EIF3E: variants seen among roughly 807,000 people sequenced by gnomAD.
EIF3E encodes eukaryotic translation initiation factor 3 subunit E.
In EIF3E, 25 loss-of-function variants were observed where a neutral mutation model predicts 59.3. That is an observed-to-expected ratio of 0.42 (90% CI 0.31 to 0.59). The LOEUF is 0.59. EIF3E is among the 20% of genes least tolerant of loss of function. The pLI is 0.15. For missense variants in EIF3E, 317 were observed against 534.3 expected, an observed-to-expected ratio of 0.59 and a Z score of 4.01; for synonymous variants, 176 against 170.2, an observed-to-expected ratio of 1.03 and a Z score of -0.26.
rs143417968 is a variant in EIF3E at position 108,212,534 on chromosome 8, G to A, written c.1061+2073C>T. ...CTTGAAAAAACGCTGGGCGCAAGTGGCTCACGCCTGTAATCCCAGCACTTT... is the reference window on the plus strand; with the variant it reads ...CTTGAAAAAACGCTGGGCGCAAGTGACTCACGCCTGTAATCCCAGCACTTT... On this transcript the variant is annotated intron_variant, in intron 10 of 12. Transcript: ENST00000220849. Among the ~76,000 whole-genome samples the A allele has an allele frequency of 4.1e-3, 629 of 152,308 alleles. 4 individuals carry two copies. Among genetic ancestry groups the A allele is most frequent in the African/African-American group, 0.014 (599 of 41,568 alleles).
chr8:108,228,733 T>C (rs1487643914), intron 6 of EIF3E, among the ~76,000 whole-genome samples: 3 of 152,130 alleles, frequency 2.0e-5, no homozygotes, highest in Non-Finnish European at 4.4e-5. Context: ...AATTAGATAA[T>C]TGTAGATGAA....
chr8:108,247,077 G>C (rs1034197602), intron 1 of EIF3E, among the ~76,000 whole-genome samples: 1 of 152,040 alleles, frequency 6.6e-6, no homozygotes, highest in Admixed American at 6.6e-5. Flanking sequence ...TCTTCCTCTT[G>C]GTGTATTACA....
Position 108,201,267 on chromosome 8 carries a change from C to CTATATATATATATA in EIF3E, c.*617_*618insTATATATATATATA, listed in dbSNP as rs1563624517. ...CTACTGATCATATATATATATATAT[C>CTATATATATATATA]TATCTCTCAACTTGGATGGCTCTCA... On this transcript the variant is annotated 3_prime_UTR_variant, in exon 13 of 13. Transcript: ENST00000220849. The CTATATATATATATA allele has an allele frequency of 7.9e-6, 1 of 126,538 alleles. No homozygotes were observed. The highest frequency in any genetic ancestry group is 3.5e-5 in the African/African-American group (1 of 28,186). 7.8% of individuals were successfully genotyped at this position (126,538 alleles called of 1,614,324 possible).
chr8:108,241,628 A>G (rs1386162234), intron 2 of EIF3E, among the ~76,000 whole-genome samples, 171 bp downstream of exon 2: 1 of 152,218 alleles, frequency 6.6e-6, no homozygotes, highest in Admixed American at 6.5e-5. Context: ...ACAGGGAGAA[A>G]ACAATATATT....
At chr8:108,237,175 A>G (rs2129914875) in intron 3 of EIF3E, among the ~76,000 whole-genome samples, 1 of 152,206 alleles carries the variant, frequency 6.6e-6, no homozygotes, top group Middle Eastern at 3.4e-3. Context: ...CAGACTAGTA[A>G]AAGACAAACT....
chr8:108,201,903 T>C lies in EIF3E; in HGVS notation c.1320A>G (p.Gln440=). Residue 440 remains glutamine, a synonymous_variant, in exon 13 of 13, where the codon CAA becomes CAG. Coordinates refer to ENST00000220849, the MANE Select transcript of EIF3E (RefSeq NM_001568.3). The part of the protein sequence containing the change: ...SRSEAPNWAT[Q]DSGFY Reference sequence around the variant, plus strand: ...TGGTTCTTCAGTAGAAGCCAGAATCTTGAGTTGCCCAGTTAGGAGCCTAAA... The same window carrying C: ...TGGTTCTTCAGTAGAAGCCAGAATCCTGAGTTGCCCAGTTAGGAGCCTAAA... The C allele has an allele frequency of 1.3e-6, 2 of 1,580,278 alleles. No individual in the cohort carries two copies. The highest frequency in any genetic ancestry group is 1.7e-6 in the Non-Finnish European group (2 of 1,163,452).
At chr8:108,217,190 TTC>T (rs1815319960) in intron 8 of EIF3E, 142 bp downstream of exon 8, 2 of 632,900 alleles carry the variant, frequency 3.2e-6, no homozygotes, top group Non-Finnish European at 5.1e-6. Flanking sequence ...TTTGAGGGTC[TTC>T]TCTTTTCTAA....
At chr8:108,233,060 T>A (rs1815653703) in intron 5 of EIF3E, among the ~76,000 whole-genome samples, 1 of 152,194 alleles carries the variant, frequency 6.6e-6, no homozygotes, top group Non-Finnish European at 1.5e-5. Context: ...CTCTCCTAAA[T>A]CCCTCGTAAT....
intron 6 of EIF3E, 118 bp downstream of exon 6, chr8:108,228,952 C>A: frequency 8.6e-7 from 1 of 1,156,380 alleles, no homozygotes; most frequent in African/African-American, 1.6e-5. Flanking sequence ...GTAAGGTCAA[C>A]AAAAGCTAAT....
intron 5 of EIF3E, chr8:108,233,704 G>A (rs1487925298): frequency 2.6e-6 from 1 of 391,714 alleles, no homozygotes; most frequent in African/African-American, 2.1e-5. Context: ...AATTAGCCAT[G>A]AGTGGTGATG....
chr8:108,229,310 A>T (rs1815578156), intron 5 of EIF3E, 115 bp from the exon 6 acceptor site: 14 of 1,042,394 alleles, frequency 1.3e-5, no homozygotes, highest in Non-Finnish European at 1.8e-5. Context: ...GCTTTCTACA[A>T]AAAACTGTAA....
rs757329691 is a variant in EIF3E at position 108,248,640 on chromosome 8, C to T, written c.63G>A (p.Pro21=). ...CCTTTACAGAGAGAAATTCAAGAAG[C>T]GGAAAGACTAGATGCCGATCCAAAA... ...AHFLDRHLVF[P]LLEFLSVKEI... Residue 21 remains proline, a synonymous_variant, in exon 1 of 13, where the codon CCG becomes CCA. Coordinates refer to ENST00000220849, the MANE Select transcript of EIF3E (RefSeq NM_001568.3). 1.2e-6 allele frequency: 2 copies of T among 1,614,068 alleles called. No homozygotes were observed. Among genetic ancestry groups the T allele is most frequent in the Non-Finnish European group, 1.7e-6 (2 of 1,180,004 alleles).
At chr8:108,210,840 T>C (rs934332962) in intron 10 of EIF3E, among the ~76,000 whole-genome samples, 9 of 150,808 alleles carry the variant, frequency 6.0e-5, no homozygotes, top group South Asian at 2.1e-4. Flanking sequence ...AGTGAGAACA[T>C]GCGGTGTTTG....
intron 7 of EIF3E, 47 bp downstream of exon 7, chr8:108,228,220 G>A: frequency 6.6e-7 from 1 of 1,510,112 alleles, no homozygotes; most frequent in Non-Finnish European, 8.9e-7. Flanking sequence ...ACAACTCCAT[G>A]TAATTTTATC....
intron 7 of EIF3E, among the ~76,000 whole-genome samples, chr8:108,225,893 G>A (rs748413388): frequency 6.8e-6 from 1 of 146,450 alleles, no homozygotes; most frequent in Non-Finnish European, 1.5e-5. Context: ...AGTTACTTTC[G>A]TTAAAATTCT....
At position 108,238,492 on chromosome 8, in the gene EIF3E, G is replaced by T. The variant is rs561771915; in HGVS notation, c.323+1466C>A. ...AATGCAATGTAAATATCATATAGTTGTTAGTTGTTACACTGTAGTTTTATT... is the reference window on the plus strand; with the variant it reads ...AATGCAATGTAAATATCATATAGTTTTTAGTTGTTACACTGTAGTTTTATT... On this transcript the variant is annotated intron_variant, in intron 3 of 12. Coordinates refer to ENST00000220849, the MANE Select transcript of EIF3E (RefSeq NM_001568.3). 2.0e-5 allele frequency among the ~76,000 whole-genome samples: 3 copies of T among 152,284 alleles called. No individual in the cohort carries two copies. The South Asian group carries it at 6.2e-4, about 32-fold the overall frequency.
At chr8:108,228,533 A>C in intron 6 of EIF3E, 142 bp from the exon 7 acceptor site, 1 of 526,082 alleles carries the variant, frequency 1.9e-6, no homozygotes, top group African/African-American at 2.0e-5. Flanking sequence ...TCAATGTCCG[A>C]CCCCCTATGC....
intron 10 of EIF3E, among the ~76,000 whole-genome samples, chr8:108,207,568 A>G (rs2129845907): frequency 6.6e-6 from 1 of 152,346 alleles, no homozygotes; most frequent in Non-Finnish European, 1.5e-5. Context: ...TGAGAAAAAT[A>G]TCTAGTCCAA....
chr8:108,201,788 T>A lies in EIF3E; in HGVS notation c.*97A>T. On this transcript the variant is annotated 3_prime_UTR_variant, in exon 13 of 13. Transcript: ENST00000220849. ...CCAATTCTTCAAAATTTATACGTAA[T>A]ATGTTGTTTCCAAAATGTAAGTCAC... is the stretch of plus-strand genomic sequence containing the variant. 2 of 1,011,628 alleles carry A rather than the reference T, an allele frequency of 2.0e-6. No individual in the cohort carries two copies. Among genetic ancestry groups the A allele is most frequent in the Non-Finnish European group, 2.7e-6 (2 of 746,304 alleles). 62.7% of individuals were successfully genotyped at this position (1,011,628 alleles called of 1,614,324 possible).
Sources: allele counts gnomAD v4.1 joint callset (sites outside exome capture counted in the v4.1 genomes callset), GRCh38; gene constraint gnomAD v4.1.1; transcripts MANE v1.5; gene names NCBI Gene and HGNC (gene_info 2026-07-23, HGNC 2026-07-21).